Variants in TNR observed in about 807,000 individuals in gnomAD.
The protein encoded by TNR is tenascin R, also known as tenascin-R.
A neutral mutation model predicts 150.4 loss-of-function variants in TNR; 45 were observed. The observed-to-expected ratio is 0.30, with a 90% confidence interval of 0.24 to 0.38. The LOEUF is 0.38. Ranked by LOEUF, TNR falls within the 10% of genes least tolerant of loss-of-function variation. The pLI is 1.00. For synonymous variants in TNR, 687 were observed against 678.4 expected (o/e 1.01, Z -0.20); for missense variants, 1,544 against 1,759.1 (o/e 0.88, Z 2.19).
chr1:175,356,147 C>T (rs1482859924), intron 16 of TNR, among the ~76,000 whole-genome samples, 172 bp downstream of exon 16: 1 of 152,076 alleles, frequency 6.6e-6, no homozygotes, highest in Non-Finnish European at 1.5e-5. Context: ...CTCTGCTGGC[C>T]AAAAGTTGCA....
intron 1 of TNR, among the ~76,000 whole-genome samples, chr1:175,678,326 C>G (rs1177035179): frequency 1.3e-5 from 2 of 152,208 alleles, no homozygotes; most frequent in African/African-American, 4.8e-5. Context: ...CGCAGGTTCC[C>G]TTGCCCTACC....
In TNR at chr1:175,743,279, TCTTG is replaced by T. The variant is rs1667983096; in HGVS notation, c.-222_-219del. 1 of 152,162 alleles carries T rather than the reference TCTTG, an allele frequency of 6.6e-6. No individual in the cohort carries two copies. Among genetic ancestry groups the T allele is most frequent in the African/African-American group, 2.4e-5 (1 of 41,416 alleles). 9.4% of individuals were successfully genotyped at this position (152,162 alleles called of 1,614,324 possible). On this transcript the variant is annotated 5_prime_UTR_variant, in exon 1 of 23. Coordinates refer to ENST00000367674, the MANE Select transcript of TNR (RefSeq NM_003285.3). ...GAGAGGAGCTTCCTGGGAAGAAAAT[TCTTG>T]CTTGCTCAGGCTGGAGCCAGCTGAT...
chr1:175,457,324 A>G (rs570665503), intron 2 of TNR, among the ~76,000 whole-genome samples: 1 of 152,204 alleles, frequency 6.6e-6, no homozygotes, highest in Non-Finnish European at 1.5e-5. Context: ...CCATTCCAAT[A>G]GACAGCGCCC....
At chr1:175,704,853 G>A (rs1305091776) in intron 1 of TNR, among the ~76,000 whole-genome samples, 1 of 152,136 alleles carries the variant, frequency 6.6e-6, no homozygotes, top group African/African-American at 2.4e-5. Flanking sequence ...CTTCACAGAC[G>A]CCCACAGAGG....
At chr1:175,475,101 C>T (rs1192100151) in intron 2 of TNR, among the ~76,000 whole-genome samples, 1 of 152,184 alleles carries the variant, frequency 6.6e-6, no homozygotes, top group Admixed American at 6.5e-5. Flanking sequence ...CCAGTGAGCT[C>T]TTTATCACCC....
intron 22 of TNR, 54 bp downstream of exon 22, chr1:175,324,302 A>G: frequency 6.4e-7 from 1 of 1,570,894 alleles, no homozygotes; most frequent in Non-Finnish European, 8.6e-7. Context: ...AAGCTAAGGG[A>G]GCACGGATTC....
At chr1:175,506,833 A>ATAAGTCATTCACT (rs1658975841) in intron 2 of TNR, among the ~76,000 whole-genome samples, 1 of 152,250 alleles carries the variant, frequency 6.6e-6, no homozygotes. Context: ...TTTGGGACAG[A>ATAAGTCATTCACT]TATTCTAGGC....
intron 2 of TNR, among the ~76,000 whole-genome samples, chr1:175,473,288 C>T (rs1421586877): frequency 6.6e-6 from 1 of 152,200 alleles, no homozygotes; most frequent in Non-Finnish European, 1.5e-5. Flanking sequence ...CTTCTGGTTT[C>T]TGTTCCTGTC....
At chr1:175,406,995 T>C (rs1653995249) in intron 2 of TNR, among the ~76,000 whole-genome samples, 1 of 152,170 alleles carries the variant, frequency 6.6e-6, no homozygotes, top group African/African-American at 2.4e-5. Context: ...TACTATTTTG[T>C]TTTCTCAAAA....
chr1:175,394,009 G>A, intron 5 of TNR, 114 bp from the exon 6 acceptor site: 2 of 813,290 alleles, frequency 2.5e-6, no homozygotes, highest in Non-Finnish European at 2.0e-6. Flanking sequence ...GTGGTGTCTG[G>A]TGGACAATCC....
At chr1:175,621,788 C>T (rs537606387) in intron 1 of TNR, among the ~76,000 whole-genome samples, 23 of 152,210 alleles carry the variant, frequency 1.5e-4, no homozygotes, top group Non-Finnish European at 2.8e-4. Context: ...AAACTATCAA[C>T]ATTCAACATG....
intron 18 of TNR, 144 bp downstream of exon 18, chr1:175,354,247 A>T: frequency 9.1e-7 from 1 of 1,097,854 alleles, no homozygotes; most frequent in Non-Finnish European, 1.3e-6. Context: ...GTTTCCTGGT[A>T]GGGGCTTGGA....
At chr1:175,504,480 C>T (rs766205170) in intron 2 of TNR, among the ~76,000 whole-genome samples, 9 of 152,306 alleles carry the variant, frequency 5.9e-5, no homozygotes, top group South Asian at 4.1e-4. Context: ...CTCTAAACTC[C>T]GTCCTTCACC....
At chr1:175,713,795 G>A (rs906515618) in intron 1 of TNR, among the ~76,000 whole-genome samples, 8 of 152,280 alleles carry the variant, frequency 5.3e-5, no homozygotes, top group Admixed American at 3.3e-4. Context: ...AGCTCCCAGC[G>A]CTGACTAAAC....
chr1:175,386,622 T>C (rs1180603131), intron 7 of TNR, among the ~76,000 whole-genome samples: 2 of 141,428 alleles, frequency 1.4e-5, no homozygotes. Flanking sequence ...TTTCTGGAGG[T>C]CATGGGACAG....
intron 1 of TNR, among the ~76,000 whole-genome samples, chr1:175,699,356 C>T (rs1666619845): frequency 1.3e-5 from 2 of 152,070 alleles, no homozygotes; most frequent in Admixed American, 1.3e-4. Context: ...GAGCTGAGGG[C>T]TCATTTGAGG....
At chr1:175,640,005 T>A (rs139913468) in intron 1 of TNR, among the ~76,000 whole-genome samples, 2 of 152,232 alleles carry the variant, frequency 1.3e-5, no homozygotes, top group Admixed American at 1.3e-4. Context: ...TGTTTACTGC[T>A]GTAACCCCAC....
intron 4 of TNR, among the ~76,000 whole-genome samples, chr1:175,400,491 G>A (rs570254405): frequency 1.3e-5 from 2 of 152,274 alleles, no homozygotes; most frequent in South Asian, 4.1e-4. Context: ...AGAGAATGGA[G>A]GCAGAAGTCT....
At chr1:175,370,855 AT>A (rs1007985192) in intron 9 of TNR, among the ~76,000 whole-genome samples, 1 of 152,198 alleles carries the variant, frequency 6.6e-6, no homozygotes, top group Non-Finnish European at 1.5e-5. Context: ...CTTAAATGAA[AT>A]GTTCAATAAT....
Sources: gnomAD v4.1 joint callset for allele counts (sites outside exome capture counted in the v4.1 genomes callset) on GRCh38, gnomAD v4.1.1 for gene constraint, MANE v1.5 for transcripts, NCBI Gene and HGNC (gene_info 2026-07-23, HGNC 2026-07-21) for gene names.